C11orf65: variants seen among roughly 807,000 people sequenced by gnomAD.
C11orf65 encodes the protein chromosome 11 open reading frame 65.
A neutral mutation model predicts 35.3 loss-of-function variants in C11orf65; 38 were observed. That is an observed-to-expected ratio of 1.08 (90% confidence interval 0.83 to 1.41). C11orf65 has a LOEUF of 1.41. C11orf65 is among the 40% of genes most tolerant of loss of function. The pLI is 0.00. For missense variants in C11orf65, 370 were observed against 367.1 expected, an observed-to-expected ratio of 1.01 and a Z score of -0.06; for synonymous variants, 105 against 114.4, an observed-to-expected ratio of 0.92 and a Z score of 0.53.
At chr11:108,351,313 C>T (rs775358987) in intron 2 of C11orf65, among the ~76,000 whole-genome samples, 1 of 152,150 alleles carries the variant, frequency 6.6e-6, no homozygotes, top group African/African-American at 2.4e-5. Flanking sequence ...GTTCTGTTAA[C>T]GTGGATTTGT....
chr11:108,378,829 A>G (rs2091795888), downstream of C11orf65, among the ~76,000 whole-genome samples: 2 of 148,976 alleles, frequency 1.3e-5, no homozygotes, highest in Admixed American at 6.6e-5. Context: ...ACATGAACAG[A>G]CACTTCTCAA....
At chr11:108,350,643 T>A (rs1010656857) in intron 2 of C11orf65, among the ~76,000 whole-genome samples, 1 of 152,098 alleles carries the variant, frequency 6.6e-6, no homozygotes, top group Admixed American at 6.5e-5. Context: ...TCAGCGAATG[T>A]GAGAGAAAAC....
rs2091895506 is a variant in C11orf65, at chr11:108,382,942, TC to T, written c.*78del. On this transcript the variant is annotated 3_prime_UTR_variant, in exon 9 of 9. Transcript: ENST00000393084. ...AGAATATATACACAAGTTATTCCAGTCAGAATACACTATCTCTTGGCTATAA... is the reference window on the plus strand; with the variant it reads ...AGAATATATACACAAGTTATTCCAGTAGAATACACTATCTCTTGGCTATAA... 2 of 1,578,234 alleles carry T rather than the reference TC, an allele frequency of 1.3e-6. No homozygotes were observed. Among genetic ancestry groups the T allele is most frequent in the African/African-American group, 2.7e-5 (2 of 72,844 alleles).
chr11:108,350,577 A>G (rs1408039750), intron 2 of C11orf65, among the ~76,000 whole-genome samples: 1 of 152,232 alleles, frequency 6.6e-6, no homozygotes, highest in Non-Finnish European at 1.5e-5. Flanking sequence ...TTTCCCCAGA[A>G]TGAATTCTAG....
At chr11:108,321,122 T>G (rs2085174675) in intron 6 of C11orf65, among the ~76,000 whole-genome samples, 1 of 152,234 alleles carries the variant, frequency 6.6e-6, no homozygotes, top group Non-Finnish European at 1.5e-5. Context: ...TAAATTTGTG[T>G]TGTTCAAGGG....
At chr11:108,361,856 C>T (rs532049528) in intron 2 of C11orf65, among the ~76,000 whole-genome samples, 24 of 151,736 alleles carry the variant, frequency 1.6e-4, no homozygotes, top group African/African-American at 5.8e-4. Context: ...TAGAAGAAAA[C>T]CTAGGCATTA....
chr11:108,443,134 C>A (rs937144776), intron 2 of C11orf65, among the ~76,000 whole-genome samples: 26 of 151,982 alleles, frequency 1.7e-4, no homozygotes, highest in African/African-American at 6.3e-4. Flanking sequence ...ATCTAACAAG[C>A]AAATGGAAAA....
chr11:108,322,603 T>C (rs745367072), intron 6 of C11orf65, among the ~76,000 whole-genome samples: 9 of 152,362 alleles, frequency 5.9e-5, no homozygotes, highest in Non-Finnish European at 1.2e-4. Flanking sequence ...GAAGATGAAA[T>C]AGTATAGTTA....
intron 3 of C11orf65, among the ~76,000 whole-genome samples, chr11:108,423,887 G>A (rs2092859228): frequency 6.6e-6 from 1 of 152,136 alleles, no homozygotes; most frequent in African/African-American, 2.4e-5. Context: ...CATCCACACA[G>A]AAACCCCATT....
intron 2 of C11orf65, chr11:108,340,255 C>G (rs576587776): frequency 3.2e-4 from 49 of 152,272 alleles, no homozygotes; most frequent in African/African-American, 1.1e-3. Flanking sequence ...TCAGCAGTTA[C>G]CAACTCATGG....
At chr11:108,435,224 T>C (rs1318348634) in intron 2 of C11orf65, among the ~76,000 whole-genome samples, 3 of 152,250 alleles carry the variant, frequency 2.0e-5, no homozygotes, top group Middle Eastern at 6.8e-3. Context: ...GGTCTTAGTT[T>C]CCACAGGAAG....
intron 1 of C11orf65, among the ~76,000 whole-genome samples, chr11:108,464,020 G>A (rs984292646): frequency 2.0e-5 from 3 of 148,446 alleles, no homozygotes; most frequent in Admixed American, 6.9e-5. Flanking sequence ...TCCACCTCCC[G>A]GGTTCAAGTG....
At chr11:108,335,144 T>G in intron 3 of C11orf65, 1 of 1,613,294 alleles carries the variant, frequency 6.2e-7, no homozygotes, top group Non-Finnish European at 8.5e-7. Flanking sequence ...GCCCTTAGAG[T>G]TTTAGTGATG....
intron 2 of C11orf65, among the ~76,000 whole-genome samples, chr11:108,454,376 G>T (rs1458021047): frequency 6.7e-6 from 1 of 149,298 alleles, no homozygotes; most frequent in Non-Finnish European, 1.5e-5. Context: ...TCAGCTCACT[G>T]CAACCTCTGC....
chr11:108,363,504 T>C (rs113654854), intron 2 of C11orf65, among the ~76,000 whole-genome samples: 2,977 of 152,272 alleles, frequency 0.02, 93 homozygotes, highest in African/African-American at 0.067. Context: ...TAGAGGACAG[T>C]TGGCAATGTC....
At chr11:108,442,138 G>A (rs1044551351) in intron 2 of C11orf65, among the ~76,000 whole-genome samples, 1 of 152,152 alleles carries the variant, frequency 6.6e-6, no homozygotes, top group South Asian at 2.1e-4. Context: ...TAAATCACTT[G>A]ATGGAGCTGA....
At chr11:108,358,711 G>A (rs2090343219) in intron 2 of C11orf65, among the ~76,000 whole-genome samples, 2 of 150,346 alleles carry the variant, frequency 1.3e-5, no homozygotes, top group East Asian at 2.0e-4. Flanking sequence ...CATCAGTGAA[G>A]TAGAAATAAA....
At chr11:108,437,477 G>C (rs144454472) in intron 2 of C11orf65, among the ~76,000 whole-genome samples, 34 of 151,886 alleles carry the variant, frequency 2.2e-4, no homozygotes, top group Non-Finnish European at 4.4e-4. Flanking sequence ...AGGCTGAGGC[G>C]GGCAGATCAT....
intron 2 of C11orf65, among the ~76,000 whole-genome samples, chr11:108,372,428 A>G (rs567671890): frequency 6.6e-6 from 1 of 152,210 alleles, no homozygotes; most frequent in Middle Eastern, 3.2e-3. Context: ...TCCTGACCTC[A>G]GTGATATGCC....
Sources: gnomAD v4.1 joint callset for allele counts (sites outside exome capture counted in the v4.1 genomes callset) on GRCh38, gnomAD v4.1.1 for gene constraint, MANE v1.5 for transcripts, NCBI Gene and HGNC (gene_info 2026-07-23, HGNC 2026-07-21) for gene names.